Variants in HLCS observed in about 807,000 individuals in gnomAD.
HLCS encodes the protein holocarboxylase synthetase.
A neutral mutation model predicts 75.0 loss-of-function variants in HLCS; 53 were observed. The ratio of observed to expected loss-of-function variants is 0.71; its 90% CI spans 0.57 to 0.89. HLCS has a LOEUF of 0.89. HLCS is among the 40% of genes least tolerant of loss of function. The pLI, the probability that HLCS is intolerant of heterozygous loss-of-function variation, is 0.00. For missense variants in HLCS, 966 were observed against 1,074.0 expected, an observed-to-expected ratio of 0.90 and a Z score of 1.41; for synonymous variants, 431 against 428.6, an observed-to-expected ratio of 1.01 and a Z score of -0.07.
intron 6 of HLCS, among the ~76,000 whole-genome samples, chr21:36,809,632 C>A (rs1422238347): frequency 6.6e-6 from 1 of 152,130 alleles, no homozygotes; most frequent in Non-Finnish European, 1.5e-5. Context: ...ATTTTCAGTT[C>A]TAGAATTTCC....
chr21:36,762,135 T>G (rs2089870055), intron 8 of HLCS, among the ~76,000 whole-genome samples: 1 of 152,260 alleles, frequency 6.6e-6, no homozygotes, highest in Non-Finnish European at 1.5e-5. Context: ...AAACAAATCC[T>G]GCTTTTGAAG....
intron 5 of HLCS, among the ~76,000 whole-genome samples, chr21:36,924,720 T>C (rs908628683): frequency 6.6e-6 from 1 of 152,142 alleles, no homozygotes; most frequent in Admixed American, 6.5e-5. Context: ...AAAAGCTTGG[T>C]TAACTAGAAC....
chr21:36,910,378 C>G (rs112268280), intron 5 of HLCS, among the ~76,000 whole-genome samples: 1,863 of 152,200 alleles, frequency 0.012, 45 homozygotes, highest in African/African-American at 0.043. Flanking sequence ...AACCCCATCT[C>G]TACTAAAAAA....
rs117245147 is a variant in HLCS, at chr21:36,986,152, T to C, written c.-393+4006A>G. ...TGGGCTCCTGATAAAGGGATGAGTT[T>C]GGCCCCTTCCTTTCTCTTTCCCTTG... On this transcript the variant is annotated intron_variant, in intron 1 of 11. Transcript: ENST00000336648. Among the ~76,000 whole-genome samples, 22 of 152,266 alleles carry C rather than the reference T, an allele frequency of 1.4e-4. No homozygotes were observed. In the East Asian group the frequency reaches 3.5e-3, roughly 24 times the overall value.
At chr21:36,779,691 A>G (rs569349065) in intron 6 of HLCS, among the ~76,000 whole-genome samples, 1 of 139,494 alleles carries the variant, frequency 7.2e-6, no homozygotes, top group African/African-American at 2.9e-5. Flanking sequence ...ATTGTATTGA[A>G]CATTTCCTTG....
intron 6 of HLCS, among the ~76,000 whole-genome samples, chr21:36,854,649 G>C (rs1363765575): frequency 6.6e-6 from 1 of 152,136 alleles, no homozygotes; most frequent in South Asian, 2.1e-4. Flanking sequence ...GTGGGTGCAG[G>C]ACTGCCCCCT....
At chr21:36,764,901 G>T (rs996027468) in intron 8 of HLCS, 111 bp downstream of exon 8, 20 of 1,186,288 alleles carry the variant, frequency 1.7e-5, no homozygotes, top group Non-Finnish European at 2.1e-5. Context: ...CTGTGCAAAG[G>T]GTAGGCTGAG....
intron 6 of HLCS, among the ~76,000 whole-genome samples, chr21:36,778,196 C>T (rs2060422671): frequency 1.3e-5 from 2 of 152,112 alleles, no homozygotes. Flanking sequence ...GTCTTGATCT[C>T]CTGCCCTTGT....
At chr21:36,891,440 G>A (rs1029589265) in intron 6 of HLCS, among the ~76,000 whole-genome samples, 3 of 152,168 alleles carry the variant, frequency 2.0e-5, no homozygotes, top group South Asian at 4.2e-4. Flanking sequence ...CCTGAACCGG[G>A]GGTGCTAGGT....
chr21:36,920,635 T>C (rs1288541380), intron 5 of HLCS, among the ~76,000 whole-genome samples: 1 of 152,102 alleles, frequency 6.6e-6, no homozygotes, highest in Non-Finnish European at 1.5e-5. Flanking sequence ...ATCCCATAAA[T>C]GTATACACCT....
At chr21:36,854,167 C>T (rs188326643) in intron 6 of HLCS, among the ~76,000 whole-genome samples, 1 of 152,258 alleles carries the variant, frequency 6.6e-6, no homozygotes, top group East Asian at 1.9e-4. Context: ...CAATATTTGT[C>T]ATATGTTAAA....
At chr21:36,915,053 C>T (rs2065875793) in intron 5 of HLCS, among the ~76,000 whole-genome samples, 1 of 152,226 alleles carries the variant, frequency 6.6e-6, no homozygotes, top group Admixed American at 6.5e-5. Flanking sequence ...CGTTCCCTTC[C>T]TTCTGATGCT....
At chr21:36,779,563 A>AG (rs898794616) in intron 6 of HLCS, among the ~76,000 whole-genome samples, 2 of 152,192 alleles carry the variant, frequency 1.3e-5, no homozygotes, top group Non-Finnish European at 2.9e-5. Flanking sequence ...CATAATACAC[A>AG]GGGGGAAGTG....
At chr21:36,908,787 T>C (rs1403166735) in intron 5 of HLCS, among the ~76,000 whole-genome samples, 3 of 152,182 alleles carry the variant, frequency 2.0e-5, no homozygotes, top group South Asian at 2.1e-4. Context: ...GTACACTATA[T>C]GATTCCACTT....
chr21:36,801,026 C>T (rs555264589), intron 6 of HLCS, among the ~76,000 whole-genome samples: 117 of 152,274 alleles, frequency 7.7e-4, no homozygotes, highest in African/African-American at 2.7e-3. Context: ...TGGCAACATT[C>T]GCCTGAATGG....
intron 1 of HLCS, among the ~76,000 whole-genome samples, chr21:36,977,346 G>A (rs573178990): frequency 6.6e-6 from 1 of 152,208 alleles, no homozygotes; most frequent in Non-Finnish European, 1.5e-5. Flanking sequence ...AGCACATGGG[G>A]CCACTGCCCC....
At position 36,937,127 on chromosome 21, in the gene HLCS, G is replaced by A. The variant is rs751148714; in HGVS notation, c.759C>T (p.Cys253=). ...VEHYHLHLSS[C]HECLELENST... is the part of the protein sequence containing the mutation. The stretch of plus-strand genomic sequence containing the variant: ...TGTTCTCAAGTTCCAGACACTCGTG[G>A]CAACTAGACAGATGGAGGTGATAAT... Residue 253 remains cysteine, a synonymous_variant, in exon 4 of 11, where the codon TGC becomes TGT. Coordinates refer to ENST00000674895, the MANE Select transcript of HLCS (RefSeq NM_001352514.2). 9.9e-6 allele frequency: 16 copies of A among 1,614,008 alleles called. No homozygotes were observed. Among genetic ancestry groups the A allele is most frequent in the Non-Finnish European group, 1.3e-5 (15 of 1,180,038 alleles).
At chr21:36,888,449 T>A (rs1165888025) in intron 6 of HLCS, among the ~76,000 whole-genome samples, 976 of 14,228 alleles carry the variant, frequency 0.069, 56 homozygotes, top group African/African-American at 0.093. Context: ...AAAAAAAATA[T>A]ATATATATAT....
chr21:36,898,616 C>T (rs979431926), intron 5 of HLCS, among the ~76,000 whole-genome samples: 3 of 151,860 alleles, frequency 2.0e-5, no homozygotes, highest in African/African-American at 2.4e-5. Context: ...TTAGAAGGGG[C>T]TTAAAAGACA....
Sources: allele counts gnomAD v4.1 joint callset (sites outside exome capture counted in the v4.1 genomes callset), GRCh38; gene constraint gnomAD v4.1.1; transcripts MANE v1.5; gene names NCBI Gene and HGNC (gene_info 2026-07-23, HGNC 2026-07-21).